WIPF1: variants seen among roughly 807,000 people sequenced by gnomAD.
WIPF1 encodes the protein WAS/WASL interacting protein family member 1.
Under a neutral mutation model 35.4 loss-of-function variants are expected in WIPF1, and 13 were observed. The observed-to-expected ratio is 0.37, with a 90% CI of 0.24 to 0.58. The LOEUF is 0.58. Ranked by LOEUF, WIPF1 falls within the 20% of genes least tolerant of loss-of-function variation. WIPF1 has a pLI of 0.74. For synonymous variants in WIPF1, 267 were observed against 266.3 expected, an observed-to-expected ratio of 1.00 and a Z score of -0.02; for missense variants, 591 against 667.0, an observed-to-expected ratio of 0.89 and a Z score of 1.25.
intron 1 of WIPF1, chr2:174,673,787 C>T (rs1348663779): frequency 2.7e-5 from 4 of 150,644 alleles, no homozygotes; most frequent in Non-Finnish European, 4.4e-5. Flanking sequence ...ACAGGACTTC[C>T]TTTTGTGAAT....
At chr2:174,610,663 T>G (rs1686312919) in intron 1 of WIPF1, among the ~76,000 whole-genome samples, 1 of 152,220 alleles carries the variant, frequency 6.6e-6, no homozygotes, top group South Asian at 2.1e-4. Context: ...AGCTGGGTGC[T>G]ACTCCTGGCT....
chr2:174,653,041 G>A (rs1378357084), intron 1 of WIPF1, among the ~76,000 whole-genome samples: 1 of 152,190 alleles, frequency 6.6e-6, no homozygotes, highest in Non-Finnish European at 1.5e-5. Context: ...ACTATGTCCA[G>A]GTGCTAAGTA....
rs181799881 is a variant in WIPF1 at position 174,635,636 on chromosome 2, A to T, written c.-39+47138T>A. Among the ~76,000 whole-genome samples the T allele has an allele frequency of 5.5e-3, 814 of 149,114 alleles. 8 individuals carry two copies. Among genetic ancestry groups the T allele is most frequent in the Middle Eastern group, 0.018 (5 of 278 alleles). On this transcript the variant is annotated intron_variant, in intron 1 of 8. Coordinates refer to the WIPF1 transcript ENST00000272746. ...AGTGGTGGTGTGTGGGAGTCAAATG[A>T]TCTCCTGGACCAAGGGGAATATTCC...
intron 1 of WIPF1, among the ~76,000 whole-genome samples, chr2:174,656,723 G>C (rs1687648042): frequency 6.6e-6 from 1 of 152,206 alleles, no homozygotes; most frequent in Non-Finnish European, 1.5e-5. Flanking sequence ...TTACTTGCCA[G>C]CAGAGCAGAT....
intron 1 of WIPF1, chr2:174,676,243 T>C (rs1055443963): frequency 2.0e-5 from 3 of 150,892 alleles, no homozygotes; most frequent in African/African-American, 7.3e-5. Context: ...CATATAATAA[T>C]TGTACATATT....
intron 1 of WIPF1, among the ~76,000 whole-genome samples, chr2:174,624,419 C>T (rs1174735623): frequency 6.6e-6 from 1 of 152,086 alleles, no homozygotes; most frequent in Non-Finnish European, 1.5e-5. Flanking sequence ...TTTTTCTTCT[C>T]GCTAGTGAAA....
intron 1 of WIPF1, among the ~76,000 whole-genome samples, chr2:174,633,685 C>CT (rs1251367674): frequency 9.2e-5 from 14 of 152,346 alleles, no homozygotes; most frequent in African/African-American, 3.1e-4. Flanking sequence ...TTCTATGTTT[C>CT]TGGACGGCTG....
At chr2:174,613,373 T>C (rs991591391) in intron 1 of WIPF1, among the ~76,000 whole-genome samples, 2 of 152,206 alleles carry the variant, frequency 1.3e-5, no homozygotes, top group Admixed American at 1.3e-4. Flanking sequence ...AACTTGATGA[T>C]AAAAACCTCT....
intron 1 of WIPF1, among the ~76,000 whole-genome samples, chr2:174,631,828 C>CATGA (rs1395223268): frequency 1.3e-5 from 2 of 152,206 alleles, no homozygotes; most frequent in African/African-American, 4.8e-5. Context: ...TCCCCACTAG[C>CATGA]ATGAATGTTT....
chr2:174,674,948 A>ACACACACACACACACACACG (rs576751803), intron 1 of WIPF1, among the ~76,000 whole-genome samples: 12 of 147,198 alleles, frequency 8.2e-5, no homozygotes, highest in African/African-American at 3.0e-4. Context: ...ACACACACAC[A>ACACACACACACACACACACG]GATGTTCCAG....
intron 1 of WIPF1, among the ~76,000 whole-genome samples, chr2:174,646,245 G>T (rs1269213978): frequency 6.6e-6 from 1 of 152,112 alleles, no homozygotes; most frequent in Admixed American, 6.6e-5. Context: ...TAATCTATTT[G>T]TATATTCTTC....
chr2:174,605,006 G>C (rs1327955833), intron 1 of WIPF1, among the ~76,000 whole-genome samples: 1 of 152,154 alleles, frequency 6.6e-6, no homozygotes, highest in African/African-American at 2.4e-5. Flanking sequence ...GGGCTGAATT[G>C]GTAGTATGTT....
intron 1 of WIPF1, among the ~76,000 whole-genome samples, chr2:174,652,245 A>C (rs1038627952): frequency 1.3e-5 from 2 of 152,230 alleles, no homozygotes; most frequent in Middle Eastern, 3.2e-3. Flanking sequence ...CAACGTATTT[A>C]CAATCATGTT....
intron 1 of WIPF1, among the ~76,000 whole-genome samples, chr2:174,631,167 C>T (rs1687008327): frequency 2.0e-5 from 3 of 152,046 alleles, no homozygotes; most frequent in Non-Finnish European, 4.4e-5. Context: ...ATGTGCAAAC[C>T]CACGTTCATA....
chr2:174,613,871 AAAG>A (rs1686427479), intron 1 of WIPF1, among the ~76,000 whole-genome samples: 1 of 152,240 alleles, frequency 6.6e-6, no homozygotes, highest in African/African-American at 2.4e-5. Flanking sequence ...TTTAAACAAA[AAAG>A]AATAAATAAT....
At chr2:174,610,773 G>A (rs907783188) in intron 1 of WIPF1, among the ~76,000 whole-genome samples, 1 of 152,028 alleles carries the variant, frequency 6.6e-6, no homozygotes, top group African/African-American at 2.4e-5. Context: ...CCTCCACCTT[G>A]GTCAACAGCT....
chr2:174,676,796 CTTAA>C (rs1688141829), intron 1 of WIPF1: 2 of 152,134 alleles, frequency 1.3e-5, no homozygotes, highest in African/African-American at 4.8e-5. Context: ...CTTCCCACTT[CTTAA>C]TTATTAGAAT....
upstream of WIPF1, among the ~76,000 whole-genome samples, chr2:174,599,408 T>C (rs1490710280): frequency 1.3e-5 from 2 of 152,214 alleles, no homozygotes; most frequent in Non-Finnish European, 2.9e-5. Context: ...TGCCAGGCCA[T>C]GGGCACAGTT....
intron 1 of WIPF1, among the ~76,000 whole-genome samples, chr2:174,591,277 T>G (rs1360651490): frequency 6.6e-6 from 1 of 152,238 alleles, no homozygotes; most frequent in Non-Finnish European, 1.5e-5. Flanking sequence ...CTACCCAGGC[T>G]GTGGTATTTT....
Sources: allele counts gnomAD v4.1 joint callset (sites outside exome capture counted in the v4.1 genomes callset), GRCh38; gene constraint gnomAD v4.1.1; transcripts MANE v1.5; gene names NCBI Gene and HGNC (gene_info 2026-07-23, HGNC 2026-07-21).